Variants in PRKAG2 observed in about 807,000 individuals in gnomAD.
PRKAG2 encodes 5'-AMP-activated protein kinase subunit gamma-2.
PRKAG2 carries 26 observed loss-of-function variants against 69.6 expected under a neutral mutation model. The ratio of observed to expected loss-of-function variants is 0.37; its 90% CI spans 0.27 to 0.52. The LOEUF (loss-of-function observed/expected upper bound fraction) is 0.52, where lower values mean the gene tolerates loss of function less well. Ranked by LOEUF, PRKAG2 falls within the 20% of genes least tolerant of loss-of-function variation. The pLI is 0.90. For synonymous variants in PRKAG2, 293 were observed against 285.0 expected, an observed-to-expected ratio of 1.03 and a Z score of -0.28; for missense variants, 557 against 740.0, an observed-to-expected ratio of 0.75 and a Z score of 2.87.
chr7:151,862,136 C>T (rs998360902), intron 1 of PRKAG2, among the ~76,000 whole-genome samples: 4 of 152,166 alleles, frequency 2.6e-5, no homozygotes, highest in Admixed American at 2.6e-4. Context: ...GCGCCCGGCC[C>T]GTCTCCAGGC....
intron 1 of PRKAG2, chr7:151,806,859 A>G: frequency 2.5e-6 from 1 of 405,324 alleles, no homozygotes; most frequent in Non-Finnish European, 4.8e-6. Flanking sequence ...CCAGCTACTC[A>G]GGAGGCTGAG....
intron 3 of PRKAG2, among the ~76,000 whole-genome samples, chr7:151,681,441 G>T (rs1833874048): frequency 1.3e-5 from 2 of 152,174 alleles, no homozygotes; most frequent in African/African-American, 4.8e-5. Context: ...GTGAAATGCT[G>T]AGACTCACAG....
intron 1 of PRKAG2, among the ~76,000 whole-genome samples, chr7:151,840,677 A>T (rs1276345389): frequency 2.0e-5 from 3 of 152,168 alleles, no homozygotes; most frequent in Non-Finnish European, 4.4e-5. Flanking sequence ...TGTTCTGTGA[A>T]ACATGAACCC....
In PRKAG2 at chr7:151,745,340, G is replaced by A. The variant is rs528917412; in HGVS notation, c.466+35812C>T. ...TGCCGGTTGCAAAATACTGTGTCAT[G>A]TTTCATGGAAAGTTCTAAAGGTCAC... On this transcript the variant is annotated intron_variant, in intron 3 of 15. Transcript: ENST00000287878. Among the ~76,000 whole-genome samples the A allele has an allele frequency of 4.1e-3, 621 of 152,306 alleles. 6 individuals carry two copies. Among genetic ancestry groups the A allele is most frequent in the African/African-American group, 0.014 (597 of 41,562 alleles).
intron 5 of PRKAG2, among the ~76,000 whole-genome samples, chr7:151,602,377 G>A (rs1164543649): frequency 6.6e-6 from 1 of 151,956 alleles, no homozygotes; most frequent in Non-Finnish European, 1.5e-5. Flanking sequence ...TCATAAAAGA[G>A]GTACACATAT....
intron 4 of PRKAG2, among the ~76,000 whole-genome samples, chr7:151,646,697 T>C (rs567099974): frequency 4.6e-5 from 7 of 152,332 alleles, no homozygotes; most frequent in Non-Finnish European, 8.8e-5. Flanking sequence ...ATAACTCTGA[T>C]TCTTATCAAA....
At chr7:151,870,157 G>GATGA (rs1563769271) in intron 1 of PRKAG2, among the ~76,000 whole-genome samples, 1 of 112,620 alleles carries the variant, frequency 8.9e-6, no homozygotes, top group Admixed American at 9.1e-5. Flanking sequence ...AGATAGATAG[G>GATGA]CAGGCAGGCA....
chr7:151,634,004 A>G (rs1825313745), intron 4 of PRKAG2, among the ~76,000 whole-genome samples: 3 of 152,324 alleles, frequency 2.0e-5, no homozygotes, highest in South Asian at 2.1e-4. Context: ...ACCTCGGCTC[A>G]CTGCAAGCTC....
intron 1 of PRKAG2, among the ~76,000 whole-genome samples, chr7:151,827,606 A>T (rs1343495567): frequency 6.6e-6 from 1 of 152,140 alleles, no homozygotes; most frequent in African/African-American, 2.4e-5. Flanking sequence ...AGGTAGACCT[A>T]GAGAAAGGAA....
chr7:151,612,823 G>A (rs958687368), intron 5 of PRKAG2, among the ~76,000 whole-genome samples: 5 of 152,248 alleles, frequency 3.3e-5, no homozygotes, highest in Non-Finnish European at 7.3e-5. Flanking sequence ...CCTAGACCTG[G>A]GGTGAGGAAC....
At position 151,556,189 on chromosome 7, in the gene PRKAG2, A is replaced by C. The variant is rs886062095; in HGVS notation, c.*1012T>G. The C allele has an allele frequency of 2.7e-5, 4 of 147,266 alleles. No individual in the cohort carries two copies. The highest frequency in any genetic ancestry group is 6.8e-5 in the Admixed American group (1 of 14,772). 9.1% of individuals were successfully genotyped at this position (147,266 alleles called of 1,614,324 possible). A position where few individuals can be genotyped will look rare whatever the true frequency, so the allele number is the denominator to read the frequency against. On this transcript the variant is annotated 3_prime_UTR_variant, in exon 16 of 16. Coordinates refer to ENST00000287878, the MANE Select transcript of PRKAG2 (RefSeq NM_016203.4). ...AAAAAAAACCCAAAACAAAAAAAAA[A>C]CAAACTATCCTCATATATATATATA...
chr7:151,585,706 GA>G (rs2151086921), intron 6 of PRKAG2, among the ~76,000 whole-genome samples: 1 of 152,308 alleles, frequency 6.6e-6, no homozygotes, highest in African/African-American at 2.4e-5. Flanking sequence ...TAAATTAGAT[GA>G]TGCCATCAAT....
intron 3 of PRKAG2, among the ~76,000 whole-genome samples, chr7:151,696,643 T>C (rs1423967849): frequency 6.6e-6 from 1 of 152,110 alleles, no homozygotes; most frequent in African/African-American, 2.4e-5. Context: ...CCACCCACCA[T>C]CATCAAACTT....
intron 3 of PRKAG2, among the ~76,000 whole-genome samples, chr7:151,679,489 C>T (rs1224373213): frequency 6.6e-6 from 1 of 152,146 alleles, no homozygotes; most frequent in Non-Finnish European, 1.5e-5. Flanking sequence ...ACACAGGGCC[C>T]CTTCAGTGGC....
chr7:151,560,101 CTGTTT>C, intron 15 of PRKAG2: 3 of 984,570 alleles, frequency 3.0e-6, no homozygotes, highest in African/African-American at 1.7e-5. Context: ...TTTAGGTATT[CTGTTT>C]TATCTACTCA....
At chr7:151,618,675 G>A (rs911898145) in intron 5 of PRKAG2, among the ~76,000 whole-genome samples, 3 of 152,122 alleles carry the variant, frequency 2.0e-5, no homozygotes, top group Non-Finnish European at 2.9e-5. Context: ...TGAGGCAGGA[G>A]AATTGCTTGA....
rs550753604 is a variant in PRKAG2 at position 151,566,339 on chromosome 7, T to G, written c.1234-454A>C. Among the ~76,000 whole-genome samples the G allele has an allele frequency of 1.2e-4, 19 of 152,322 alleles. 1 individual carries two copies. Among genetic ancestry groups the G allele is most frequent in the South Asian group, 1.0e-3 (5 of 4,828 alleles). ...CCCAAAGCATTTGACGGCAGCTGTC[T>G]GAGCCACTGCTAAGCTAGTCCTCAC... On this transcript the variant is annotated intron_variant, in intron 11 of 15. Coordinates refer to ENST00000287878, the MANE Select transcript of PRKAG2 (RefSeq NM_016203.4).
rs554066975 is a variant in PRKAG2 at position 151,792,636 on chromosome 7, A to G, written c.115-6095T>C. 2.0e-5 allele frequency among the ~76,000 whole-genome samples: 3 copies of G among 152,328 alleles called. No homozygotes were observed. The East Asian group carries it at 5.8e-4, about 29-fold the overall frequency. On this transcript the variant is annotated intron_variant, in intron 1 of 15. Transcript: ENST00000287878. ...ATACCCCAGAAAGAAGACAGACAAG[A>G]GTGCAAATACAGGACAAATAGAAAG... is the stretch of plus-strand genomic sequence containing the variant.
In PRKAG2 at chr7:151,699,487, C is replaced by A. The variant is rs1837303406; in HGVS notation, c.467-23850G>T. 6.6e-6 allele frequency among the ~76,000 whole-genome samples: 1 copy of A among 152,216 alleles called. No homozygotes were observed. Among genetic ancestry groups the A allele is most frequent in the African/African-American group, 2.4e-5 (1 of 41,468 alleles). On this transcript the variant is annotated intron_variant, in intron 3 of 15. Coordinates refer to ENST00000287878, the MANE Select transcript of PRKAG2 (RefSeq NM_016203.4). The surrounding 1 kb of genome is among the most constrained non-coding windows in gnomAD (Gnocchi z 4.5). ...TTATCATGAAGGCCAGCACAGGAGG[C>A]CCCTCCTTCCTGTTGGAGATGTTTA...
Sources: gnomAD v4.1 joint callset for allele counts (sites outside exome capture counted in the v4.1 genomes callset) on GRCh38, gnomAD v4.1.1 for gene constraint, Gnocchi (gnomAD v3.1) non-coding constraint, MANE v1.5 for transcripts, NCBI Gene and HGNC (gene_info 2026-07-23, HGNC 2026-07-21) for gene names.